The following MARCHF1 variants were observed in gnomAD, a reference collection of about 807,000 sequenced individuals.
MARCHF1 encodes the protein E3 ubiquitin-protein ligase MARCHF1.
Under a neutral mutation model 54.2 loss-of-function variants are expected in MARCHF1, and 40 were observed. The observed-to-expected ratio is 0.74, with a 90% CI of 0.57 to 0.96. MARCHF1 has a LOEUF of 0.96. MARCHF1 is among the 40% of genes least tolerant of loss of function. The pLI, the probability that MARCHF1 is intolerant of heterozygous loss-of-function variation, is 0.00. For missense variants in MARCHF1, 586 were observed against 656.5 expected (o/e 0.89, Z 1.17); for synonymous variants, 236 against 236.3 (o/e 1.00, Z 0.01).
At chr4:164,314,586 T>C (rs930069919) in intron 1 of MARCHF1, among the ~76,000 whole-genome samples, 1 of 151,986 alleles carries the variant, frequency 6.6e-6, no homozygotes, top group African/African-American at 2.4e-5. Flanking sequence ...CCTGGAAAAA[T>C]CCAAACTCAA....
chr4:163,897,181 A>G (rs1463638790), intron 3 of MARCHF1, among the ~76,000 whole-genome samples: 2 of 152,176 alleles, frequency 1.3e-5, no homozygotes, highest in African/African-American at 4.8e-5. Context: ...TATCAAGATC[A>G]AACACCCAAC....
intron 1 of MARCHF1, among the ~76,000 whole-genome samples, chr4:164,249,165 C>G (rs971832277): frequency 6.6e-6 from 1 of 152,020 alleles, no homozygotes; most frequent in Non-Finnish European, 1.5e-5. Flanking sequence ...ATTCTGCCAT[C>G]AAGGCTCTTA....
chr4:164,099,081 T>C (rs1755477707), intron 2 of MARCHF1, among the ~76,000 whole-genome samples: 2 of 152,358 alleles, frequency 1.3e-5, no homozygotes, highest in Middle Eastern at 6.8e-3. Flanking sequence ...TCAAAATGTT[T>C]TGATTCACAA....
chr4:163,967,336 G>A (rs1369676339), intron 3 of MARCHF1, among the ~76,000 whole-genome samples: 1 of 152,078 alleles, frequency 6.6e-6, no homozygotes, highest in African/African-American at 2.4e-5. Flanking sequence ...AAGGGAAGGG[G>A]AAATAAGTGA....
chr4:163,588,324 C>T (rs980472796), intron 7 of MARCHF1, among the ~76,000 whole-genome samples: 2 of 152,160 alleles, frequency 1.3e-5, no homozygotes, highest in Admixed American at 6.6e-5. Context: ...ACCTAGGCCT[C>T]AGAAACTGGA....
chr4:164,206,553 C>G (rs1377831881), intron 1 of MARCHF1, among the ~76,000 whole-genome samples: 3 of 151,912 alleles, frequency 2.0e-5, no homozygotes, highest in African/African-American at 7.3e-5. Flanking sequence ...TTCATTAAAA[C>G]ACAAATTAAA....
chr4:163,991,443 T>G (rs143860305), intron 2 of MARCHF1, among the ~76,000 whole-genome samples: 275 of 152,274 alleles, frequency 1.8e-3, no homozygotes, highest in Middle Eastern at 0.01. Context: ...GCTTCCATAG[T>G]GCTCTGCCAA....
chr4:163,603,789 T>C (rs1418076769), intron 7 of MARCHF1, among the ~76,000 whole-genome samples: 1 of 152,058 alleles, frequency 6.6e-6, no homozygotes, highest in African/African-American at 2.4e-5. Flanking sequence ...CTATTTTCCC[T>C]TCCATGGCCA....
intron 1 of MARCHF1, among the ~76,000 whole-genome samples, chr4:164,162,881 A>G (rs1730277190): frequency 6.6e-6 from 1 of 152,168 alleles, no homozygotes; most frequent in Admixed American, 6.6e-5. Context: ...AAGGGAAGCT[A>G]GCCAGGAAAA....
chr4:164,268,664 C>T (rs922706452), intron 1 of MARCHF1, among the ~76,000 whole-genome samples: 1 of 152,248 alleles, frequency 6.6e-6, no homozygotes, highest in African/African-American at 2.4e-5. Context: ...AATATTAAAC[C>T]TTTATCATTA....
chr4:164,298,376 C>CA (rs879597165), intron 1 of MARCHF1, among the ~76,000 whole-genome samples: 248 of 146,566 alleles, frequency 1.7e-3, no homozygotes, highest in East Asian at 0.015. Flanking sequence ...TAGGTTACAA[C>CA]AAAAAAAAAA....
intron 5 of MARCHF1, among the ~76,000 whole-genome samples, chr4:163,695,306 T>C (rs1468261554): frequency 6.6e-6 from 1 of 152,168 alleles, no homozygotes; most frequent in African/African-American, 2.4e-5. Context: ...TTAAAGTATA[T>C]ATTGGATCAG....
intron 3 of MARCHF1, among the ~76,000 whole-genome samples, chr4:163,875,914 G>T (rs1044789012): frequency 1.3e-5 from 2 of 152,044 alleles, no homozygotes; most frequent in Admixed American, 1.3e-4. Context: ...TTTTAAAATG[G>T]AAGAAAGTAG....
At chr4:164,165,284 T>C (rs1022181327) in intron 1 of MARCHF1, among the ~76,000 whole-genome samples, 1 of 151,996 alleles carries the variant, frequency 6.6e-6, no homozygotes, top group Non-Finnish European at 1.5e-5. Flanking sequence ...TAAGTTTGAA[T>C]GAGGTCATGA....
At chr4:164,007,698 GTTTC>G (rs1010300661) in intron 2 of MARCHF1, among the ~76,000 whole-genome samples, 23 of 141,462 alleles carry the variant, frequency 1.6e-4, no homozygotes, top group Admixed American at 1.5e-3. Flanking sequence ...GTTTGCCCTG[GTTTC>G]TTTCTATTTT....
intron 5 of MARCHF1, among the ~76,000 whole-genome samples, chr4:163,625,558 T>C (rs979092596): frequency 6.6e-6 from 1 of 152,204 alleles, no homozygotes; most frequent in Non-Finnish European, 1.5e-5. Flanking sequence ...CCTATGCTGA[T>C]TGCAGTAGAG....
intron 5 of MARCHF1, among the ~76,000 whole-genome samples, chr4:163,638,291 G>A (rs966791997): frequency 6.6e-6 from 1 of 151,668 alleles, no homozygotes; most frequent in South Asian, 2.1e-4. Context: ...CAGTGTTGGA[G>A]GTGGGGCTGG....
chr4:163,670,575 T>G (rs1295420443), intron 5 of MARCHF1, among the ~76,000 whole-genome samples: 1 of 151,858 alleles, frequency 6.6e-6, no homozygotes, highest in African/African-American at 2.4e-5. Context: ...CCTTCTTGCT[T>G]TCTTTTCTTT....
At chr4:163,989,055 T>A (rs1752922656) in intron 2 of MARCHF1, 1 of 152,108 alleles carries the variant, frequency 6.6e-6, no homozygotes, top group Admixed American at 6.5e-5. Flanking sequence ...TGCCGCTTTG[T>A]TTTTGTTTAT....
Sources: allele counts gnomAD v4.1 joint callset (sites outside exome capture counted in the v4.1 genomes callset), GRCh38; gene constraint gnomAD v4.1.1; transcripts MANE v1.5; gene names NCBI Gene and HGNC (gene_info 2026-07-23, HGNC 2026-07-21).